The following PML variants were observed in gnomAD, a reference collection of about 807,000 sequenced individuals.
The protein encoded by PML is protein PML.
In PML, 28 loss-of-function variants were observed where a neutral mutation model predicts 65.2. The ratio of observed to expected loss-of-function variants is 0.43; its 90% CI spans 0.32 to 0.59. PML has a LOEUF of 0.59. PML is among the 20% of genes least tolerant of loss of function. PML has a pLI of 0.08. For synonymous variants in PML, 500 were observed against 508.8 expected (o/e 0.98, Z 0.23); for missense variants, 1,021 against 1,203.4 (o/e 0.85, Z 2.24).
intron 7 of PML, chr15:74,036,530 A>G (rs1350743993): frequency 2.1e-6 from 2 of 951,156 alleles, no homozygotes; most frequent in Non-Finnish European, 2.7e-6. Flanking sequence ...TCCCACACTC[A>G]TGGGCATCAG....
chr15:74,039,904 T>A (rs969379115), intron 7 of PML, among the ~76,000 whole-genome samples: 47 of 152,294 alleles, frequency 3.1e-4, no homozygotes, highest in African/African-American at 8.4e-4. Context: ...TTTTGGAGTG[T>A]GATTACAATG....
At chr15:74,020,913 A>T (rs568800363) in intron 2 of PML, among the ~76,000 whole-genome samples, 2 of 152,288 alleles carry the variant, frequency 1.3e-5, no homozygotes, top group South Asian at 4.1e-4. Flanking sequence ...CTTTGAAAGG[A>T]TTCACGTGAT....
intron 3 of PML, among the ~76,000 whole-genome samples, chr15:74,023,908 G>A (rs1457410783): frequency 6.6e-6 from 1 of 152,170 alleles, no homozygotes; most frequent in African/African-American, 2.4e-5. Flanking sequence ...AGGATGACCT[G>A]CTGTCTGCCA....
chr15:74,044,080 G>A (rs1190208091), intron 8 of PML, 141 bp from the exon 9 acceptor site: 3 of 763,126 alleles, frequency 3.9e-6, no homozygotes, highest in Non-Finnish European at 4.5e-6. Context: ...GCTGCATTTG[G>A]GGGCTGATGT....
At chr15:74,025,015 G>C in intron 4 of PML, 88 bp downstream of exon 4, 8 of 858,030 alleles carry the variant, frequency 9.3e-6, no homozygotes, top group Non-Finnish European at 1.6e-5. Flanking sequence ...TGTGTGCAGG[G>C]AGAGCGTCTG....
rs570805003 is a variant in PML, at chr15:74,030,601, A to G, written c.1255-1971A>G. On this transcript the variant is annotated intron_variant, in intron 4 of 8. Transcript: ENST00000268058. Reference sequence around the variant, plus strand: ...AAAGCCGAGGTTGCAGTGAGCCGAGATAGTGCCACTGCACTCCATCTCCTG... The same window carrying G: ...AAAGCCGAGGTTGCAGTGAGCCGAGGTAGTGCCACTGCACTCCATCTCCTG... 2.6e-5 allele frequency among the ~76,000 whole-genome samples: 4 copies of G among 152,316 alleles called. No individual in the cohort carries two copies. In the South Asian group the frequency reaches 6.2e-4, roughly 24 times the overall value.
intron 7 of PML, among the ~76,000 whole-genome samples, chr15:74,041,844 C>T (rs775166010): frequency 4.6e-5 from 7 of 152,236 alleles, no homozygotes; most frequent in Non-Finnish European, 1.0e-4. Context: ...CCAGGTGACA[C>T]CAACTTCATT....
At chr15:74,036,933 C>T (rs1227955052) in intron 7 of PML, 1 of 985,288 alleles carries the variant, frequency 1.0e-6, no homozygotes, top group Non-Finnish European at 1.2e-6. Context: ...GCTCTCAGTC[C>T]TACCTTCGCC....
intron 7 of PML, chr15:74,041,589 CAAT>C (rs1415491752): frequency 6.6e-6 from 1 of 152,232 alleles, no homozygotes; most frequent in East Asian, 1.9e-4. Context: ...CTGCTTCTGA[CAAT>C]AACTGGCAGA....
intron 2 of PML, among the ~76,000 whole-genome samples, chr15:74,015,297 G>A (rs754968560): frequency 6.6e-6 from 1 of 152,206 alleles, no homozygotes; most frequent in Non-Finnish European, 1.5e-5. Flanking sequence ...GCAGGAAACT[G>A]ATCTGGTAAA....
rs773770329 is a variant in PML, at chr15:74,035,646, G to A, written c.1710+1116G>A. The A allele has an allele frequency of 1.2e-6, 2 of 1,614,016 alleles. No individual in the cohort carries two copies. Among genetic ancestry groups the A allele is most frequent in the South Asian group, 2.2e-5 (2 of 91,090 alleles). On this transcript the variant is annotated intron_variant, in intron 7 of 8. Coordinates refer to ENST00000268058, the MANE Select transcript of PML (RefSeq NM_033238.3). The surrounding 1 kb of genome is among the most constrained non-coding windows in gnomAD (Gnocchi z 4.1). ...CCCACCCCACCGGATACGAGGGGCT[G>A]TGCGATCCCGCAGCCGCTCCCTCCG... is the stretch of plus-strand genomic sequence containing the variant.
chr15:74,021,626 C>T (rs1567128622), intron 2 of PML, among the ~76,000 whole-genome samples: 1 of 151,746 alleles, frequency 6.6e-6, no homozygotes, highest in Non-Finnish European at 1.5e-5. Flanking sequence ...AATACAAACA[C>T]TTTGATCTAG....
intron 2 of PML, among the ~76,000 whole-genome samples, chr15:74,010,823 T>C (rs1376019502): frequency 1.3e-5 from 2 of 151,700 alleles, no homozygotes; most frequent in Admixed American, 1.3e-4. Flanking sequence ...GCTGTGGCAG[T>C]TTTCAGAAGG....
intron 4 of PML, chr15:74,031,207 G>T: frequency 2.4e-6 from 1 of 420,990 alleles, no homozygotes; most frequent in Non-Finnish European, 4.8e-6. Context: ...ATCCATTCTG[G>T]GCATTGCATG....
chr15:74,022,713 A>C, intron 2 of PML, 115 bp from the exon 3 acceptor site: 1 of 870,466 alleles, frequency 1.1e-6, no homozygotes. Flanking sequence ...GCAGAAACCT[A>C]GAAACATGCC....
chr15:74,031,428 C>G (rs959457703), intron 4 of PML: 2 of 269,214 alleles, frequency 7.4e-6, no homozygotes, highest in South Asian at 4.0e-5. Flanking sequence ...TGTGCACCAC[C>G]ACGTCTGGCT....
rs557101290 is a variant in PML at position 74,015,963 on chromosome 15, A to G, written c.603-6865A>G. Among the ~76,000 whole-genome samples, 89 of 152,338 alleles carry G rather than the reference A, an allele frequency of 5.8e-4. No homozygotes were observed. The South Asian group carries it at 0.011, about 18-fold the overall frequency. On this transcript the variant is annotated intron_variant, in intron 2 of 8. Transcript: ENST00000268058. ...GGATGGGGAGACTGAGAACCCAGGA[A>G]ACACGTTGAGGCTTCTATTAAAATA...
At chr15:74,008,335 G>A (rs2070161426) in intron 2 of PML, among the ~76,000 whole-genome samples, 1 of 152,188 alleles carries the variant, frequency 6.6e-6, no homozygotes, top group African/African-American at 2.4e-5. Flanking sequence ...AGAACACTCA[G>A]TGTTCTCAGC....
At chr15:74,038,665 G>C (rs1046712000) in intron 7 of PML, among the ~76,000 whole-genome samples, 1 of 152,106 alleles carries the variant, frequency 6.6e-6, no homozygotes, top group African/African-American at 2.4e-5. Context: ...CAGCTTGGAG[G>C]GGGTGGGGTG....
Sources: allele counts gnomAD v4.1 joint callset (sites outside exome capture counted in the v4.1 genomes callset), GRCh38; gene constraint gnomAD v4.1.1; non-coding constraint Gnocchi (gnomAD v3.1); transcripts MANE v1.5; gene names NCBI Gene and HGNC (gene_info 2026-07-23, HGNC 2026-07-21).